COL5A3: variants seen among roughly 807,000 people sequenced by gnomAD.
COL5A3 encodes collagen type V alpha 3 chain, also known as collagen alpha-3(V) chain.
COL5A3 carries 172 observed loss-of-function variants against 250.0 expected under a neutral mutation model. The observed-to-expected ratio is 0.69, with a 90% CI of 0.61 to 0.78. The LOEUF (loss-of-function observed/expected upper bound fraction) is 0.78. Ranked by LOEUF, COL5A3 falls within the 30% of genes least tolerant of loss-of-function variation. COL5A3 has a pLI of 0.00. For missense variants in COL5A3, 2,340 were observed against 2,334.4 expected, an observed-to-expected ratio of 1.00 and a Z score of -0.05; for synonymous variants, 937 against 900.4, an observed-to-expected ratio of 1.04 and a Z score of -0.73.
At chr19:9,973,156 T>C (rs2086876767) in intron 50 of COL5A3, 130 bp from the exon 51 acceptor site, 1 of 759,036 alleles carries the variant, frequency 1.3e-6, no homozygotes, top group East Asian at 2.8e-5. Flanking sequence ...GCCTAGGTTG[T>C]CCAAGGGTCA....
In COL5A3 at chr19:9,974,182, C is replaced by A. The variant is rs573832773; in HGVS notation, c.3493G>T (p.Val1165Phe). The change falls in exon 47 of 67, where the codon GTC (valine) becomes TTC (phenylalanine). Residue 1165 changes from valine (V) to phenylalanine (F), a missense_variant. By Grantham distance (50) the Val-to-Phe change is conservative. Transcript: ENST00000264828. ...PPGEKGEVGD[V>F]GSMGPHGAPG... ...CTGGGAGTGCATACCATGGACCCGA[C>A]GTCTCCGACCTCCCCTTTCTCTCCC... is the stretch of plus-strand genomic sequence containing the variant. The A allele has an allele frequency of 1.2e-6, 2 of 1,613,990 alleles. No individual in the cohort carries two copies. Among genetic ancestry groups the A allele is most frequent in the African/African-American group, 1.3e-5 (1 of 75,028 alleles).
intron 24 of COL5A3, among the ~76,000 whole-genome samples, chr19:9,991,082 GA>G (rs2145119357): frequency 6.6e-6 from 1 of 152,190 alleles, no homozygotes; most frequent in Non-Finnish European, 1.5e-5. Flanking sequence ...AATAAGAAAA[GA>G]AAAGAAAAAT....
chr19:9,996,976 TAGAC>T (rs1027140175), intron 11 of COL5A3: 21 of 516,892 alleles, frequency 4.1e-5, no homozygotes, highest in African/African-American at 2.0e-4. Context: ...CAGAGAGAGA[TAGAC>T]AGAGACAGAA....
chr19:9,997,500 A>T, intron 10 of COL5A3, 67 bp from the exon 11 acceptor site: 1 of 1,039,842 alleles, frequency 9.6e-7, no homozygotes, highest in East Asian at 2.5e-5. Context: ...CTTTCAACCT[A>T]CCACTGACTC....
chr19:10,005,362 AAATT>A (rs1246386152), intron 4 of COL5A3, among the ~76,000 whole-genome samples, 192 bp downstream of exon 4: 2 of 151,904 alleles, frequency 1.3e-5, no homozygotes, highest in African/African-American at 4.8e-5. Flanking sequence ...AAAAAAAAAA[AAATT>A]ATTGTCTTGT....
chr19:9,981,768 C>T (rs111425704), intron 32 of COL5A3, among the ~76,000 whole-genome samples: 2,422 of 152,336 alleles, frequency 0.016, 50 homozygotes, highest in Non-Finnish European at 0.025. Context: ...AAAGTGCACG[C>T]AGATTCATGC....
At chr19:10,002,460 A>G (rs1317294296) in intron 6 of COL5A3, among the ~76,000 whole-genome samples, 1 of 146,514 alleles carries the variant, frequency 6.8e-6, no homozygotes, top group Non-Finnish European at 1.5e-5. Context: ...ACCCCCACCA[A>G]GGACCCCCCA....
In COL5A3 at chr19:10,009,084, GA is replaced by G. The variant is rs757118787; in HGVS notation, c.88+1213del. On this transcript the variant is annotated intron_variant, in intron 1 of 66. Coordinates refer to ENST00000264828, the MANE Select transcript of COL5A3 (RefSeq NM_015719.4). The surrounding 1 kb of genome is among the most constrained non-coding windows in gnomAD (Gnocchi z 4.4). ...TGACCATGTGGATGTGTGAGCGTGGGAATGCGGCATAGTCCAATCAGGGATT... is the reference window on the plus strand; with the variant it reads ...TGACCATGTGGATGTGTGAGCGTGGGATGCGGCATAGTCCAATCAGGGATT... Among the ~76,000 whole-genome samples, 1 of 152,016 alleles carries G rather than the reference GA, an allele frequency of 6.6e-6. No homozygotes were observed. The highest frequency in any genetic ancestry group is 1.5e-5 in the Non-Finnish European group (1 of 67,988).
chr19:9,991,761 C>A (rs376392387), intron 23 of COL5A3, 27 bp downstream of exon 23: 1 of 1,597,956 alleles, frequency 6.3e-7, no homozygotes, highest in East Asian at 2.2e-5. Flanking sequence ...ACTCCCATGC[C>A]CCATTATTGG....
At chr19:9,988,833 C>CAAAAAAAAAAAAAAAAAAAAAAA in intron 27 of COL5A3, among the ~76,000 whole-genome samples, 1 of 39,428 alleles carries the variant, frequency 2.5e-5, no homozygotes, top group Non-Finnish European at 4.3e-5. Flanking sequence ...GACTCTGTCT[C>CAAAAAAAAAAAAAAAAAAAAAAA]AAAAAAAAAA....
Position 10,010,410 on chromosome 19 carries a change from G to C in COL5A3, c.-25C>G, listed in dbSNP as rs2087513543. 1.5e-6 allele frequency: 2 copies of C among 1,373,902 alleles called. No homozygotes were observed. The highest frequency in any genetic ancestry group is 1.9e-6 in the Non-Finnish European group (2 of 1,056,828). 85.1% of individuals were successfully genotyped at this position (1,373,902 alleles called of 1,614,324 possible). A position where few individuals can be genotyped will look rare whatever the true frequency, so the allele number is the denominator to read the frequency against. On this transcript the variant is annotated 5_prime_UTR_variant, in exon 1 of 67. Transcript: ENST00000264828. ...TCCCGGCGGGGCCCACGGGCAAGGCGGGGAACCAGTCGGGGCGGCTGCGGG... is the reference window on the plus strand; with the variant it reads ...TCCCGGCGGGGCCCACGGGCAAGGCCGGGAACCAGTCGGGGCGGCTGCGGG...
intron 8 of COL5A3, among the ~76,000 whole-genome samples, chr19:9,999,469 CTTTT>C (rs530527039): frequency 8.3e-6 from 1 of 120,400 alleles, no homozygotes; most frequent in Non-Finnish European, 1.6e-5. Context: ...TTTCTTTTTT[CTTTT>C]TTTTTTTTTT....
intron 27 of COL5A3, among the ~76,000 whole-genome samples, 159 bp from the exon 28 acceptor site, chr19:9,986,917 C>T (rs2287808): frequency 0.15 from 23,517 of 152,002 alleles, 2,288 homozygotes; most frequent in East Asian, 0.22. Flanking sequence ...CCCAGAGGCC[C>T]CTCCCTCCCC....
rs573448825 is a variant in COL5A3 at position 10,001,072 on chromosome 19, C to A, written c.1110+452G>T. 3.9e-5 allele frequency among the ~76,000 whole-genome samples: 6 copies of A among 152,096 alleles called. No homozygotes were observed. The East Asian group carries it at 9.6e-4, about 24-fold the overall frequency. On this transcript the variant is annotated intron_variant, in intron 8 of 66. Coordinates refer to ENST00000264828, the MANE Select transcript of COL5A3 (RefSeq NM_015719.4). ...CAAGCTTACCTATGTAACAAGCCTG[C>A]ACTTGTACCCCTGAACTTAAGATAA...
intron 62 of COL5A3, 73 bp downstream of exon 62, chr19:9,967,274 G>A (rs2145056382): frequency 6.9e-6 from 8 of 1,159,536 alleles, no homozygotes; most frequent in Middle Eastern, 5.5e-4. Context: ...GGACCCTCTG[G>A]GGACACCCAG....
Position 9,981,058 on chromosome 19 carries a change from C to A in COL5A3, c.2505+30G>T, listed in dbSNP as rs557809591. The stretch of plus-strand genomic sequence containing the variant: ...TCCCAGCCCTGTCCCCAAGTCCCAG[C>A]AGGGTAGGGGGCACTGTCTATTTTC... On this transcript the variant is annotated intron_variant, in intron 33 of 66. Coordinates refer to ENST00000264828, the MANE Select transcript of COL5A3 (RefSeq NM_015719.4). 5 of 1,610,342 alleles carry A rather than the reference C, an allele frequency of 3.1e-6. No homozygotes were observed. In the African/African-American group the frequency reaches 5.3e-5, roughly 17 times the overall value.
Position 9,966,624 on chromosome 19 carries a change from C to G in COL5A3, c.4581G>C (p.Leu1527=), listed in dbSNP as rs781320467. ...LASLTSLSLE[L]EQLRRPPGTA... ...TGCCGGGAGGACGCCGCAGCTGCTC[C>G]AGCTCCAAGCTCAGCGATGTGAGCG... The change falls in exon 63 of 67, where the codon CTG becomes CTC. Residue 1527 remains leucine (L), a synonymous_variant. Coordinates refer to ENST00000264828, the MANE Select transcript of COL5A3 (RefSeq NM_015719.4). 8.4e-6 allele frequency: 13 copies of G among 1,538,718 alleles called. No individual in the cohort carries two copies. The highest frequency in any genetic ancestry group is 7.1e-5 in the South Asian group (6 of 84,062).
Position 10,003,648 on chromosome 19 carries a change from C to A in COL5A3, c.766G>T (p.Gly256Trp). ...RKGKGKGRKK[G>W]RGRKGKGRKK... ...CTGCCCTTCCCCTTGCGACCTCGCC[C>A]TTTCTTCCTCCCTTTTCCCTTCCCC... is the stretch of plus-strand genomic sequence containing the variant. Residue 256 changes from glycine to tryptophan, a missense_variant, in exon 6 of 67, where the codon GGG (glycine) becomes TGG (tryptophan). Physicochemically the swap from Gly to Trp is radical, Grantham distance 184. Around this residue, in one of 3 missense-constraint regions of COL5A3, gnomAD observed 1,152 missense variants for 1,146.3 expected, o/e 1.00. Coordinates refer to ENST00000264828, the MANE Select transcript of COL5A3 (RefSeq NM_015719.4). 6.2e-7 allele frequency: 1 copy of A among 1,614,178 alleles called. No homozygotes were observed. The highest frequency in any genetic ancestry group is 8.5e-7 in the Non-Finnish European group (1 of 1,180,038).
chr19:9,990,392 C>CAAAAAAAAAAA lies in COL5A3; in HGVS notation c.1993-881_1993-871dup, dbSNP rs879496349. ...CTGGACAACAAGAGTGAAATTCTGTCAAAAAAAAAAAAAAAACTAAAATAG... is the reference window on the plus strand; with the variant it reads ...CTGGACAACAAGAGTGAAATTCTGTCAAAAAAAAAAAAAAAAAAAAAAAAAAACTAAAATAG... On this transcript the variant is annotated intron_variant, in intron 24 of 66. Coordinates refer to ENST00000264828, the MANE Select transcript of COL5A3 (RefSeq NM_015719.4). Among the ~76,000 whole-genome samples, 42 of 81,830 alleles carry CAAAAAAAAAAA rather than the reference C, an allele frequency of 5.1e-4. 1 individual carries two copies. The highest frequency in any genetic ancestry group is 1.7e-3 in the African/African-American group (41 of 24,242). 53.7% of individuals were successfully genotyped at this position (81,830 alleles called of 152,430 possible). A position where few individuals can be genotyped will look rare whatever the true frequency, so the allele number is the denominator to read the frequency against.
Sources: allele counts gnomAD v4.1 joint callset (sites outside exome capture counted in the v4.1 genomes callset), GRCh38; gene constraint gnomAD v4.1.1; regional missense constraint gnomAD v4.1.1; non-coding constraint Gnocchi (gnomAD v3.1); transcripts MANE v1.5; gene names NCBI Gene and HGNC (gene_info 2026-07-23, HGNC 2026-07-21).